The following C5orf34 variants were observed in gnomAD, a reference collection of about 807,000 sequenced individuals.
The protein encoded by C5orf34 is uncharacterized protein C5orf34.
Under a neutral mutation model 78.4 loss-of-function variants are expected in C5orf34, and 73 were observed. The ratio of observed to expected loss-of-function variants is 0.93; its 90% CI spans 0.77 to 1.13. The LOEUF is 1.13. Ranked by LOEUF, C5orf34 falls within the 50% of genes most tolerant of loss-of-function variation. The probability of loss-of-function intolerance (pLI) is 0.00; values close to 1 mark genes in which losing one functional copy is unlikely to be tolerated. For synonymous variants in C5orf34, 251 were observed against 246.6 expected (o/e 1.02, Z -0.17); for missense variants, 730 against 732.7 (o/e 1.00, Z 0.04).
In C5orf34 at chr5:43,502,500, G is replaced by T; in HGVS notation, c.1029-5C>A. The T allele has an allele frequency of 6.6e-7, 1 of 1,517,588 alleles. No homozygotes were observed. The highest frequency in any genetic ancestry group is 9.0e-7 in the Non-Finnish European group (1 of 1,115,450). The allele number at this position is 1,517,588 out of a possible 1,614,324, so 94.0% of individuals were successfully genotyped here. Reference sequence around the variant, plus strand: ...TTCATATTTTGATGGGTAAGTCTAAGAAATAGAAATAACCATTAAAAATTT... The same window carrying T: ...TTCATATTTTGATGGGTAAGTCTAATAAATAGAAATAACCATTAAAAATTT... On this transcript the variant is annotated splice_polypyrimidine_tract_variant and splice_region_variant and intron_variant, in intron 5 of 12. Transcript: ENST00000306862.
intron 6 of C5orf34, chr5:43,495,002 G>A: frequency 8.0e-7 from 1 of 1,247,084 alleles, no homozygotes; most frequent in Non-Finnish European, 1.2e-6. Context: ...ATGGCCAATT[G>A]AAACAAACAG....
intron 6 of C5orf34, among the ~76,000 whole-genome samples, chr5:43,498,493 A>T (rs912850202): frequency 5.9e-5 from 9 of 152,232 alleles, no homozygotes; most frequent in Non-Finnish European, 8.8e-5. Flanking sequence ...AAAAGCCATC[A>T]TCAAAAAAAT....
rs755061160 is a variant in C5orf34, at chr5:43,505,757, T to C, written c.923A>G (p.His308Arg). ...GCCATTACTGCATTACCTGTGTAGG[T>C]GTGGGACTGGACAGCTGAGTGACAG... ...RALSLSCPVP[H>R]LHRWNFCDSL... The change falls in exon 4 of 13, where the codon CAC (histidine) becomes CGC (arginine). Residue 308 changes from histidine to arginine, a missense_variant. Physicochemically the swap from His to Arg is conservative, Grantham distance 29. Transcript: ENST00000306862. 5.7e-6 allele frequency: 9 copies of C among 1,574,116 alleles called. No individual in the cohort carries two copies. Among genetic ancestry groups the C allele is most frequent in the Non-Finnish European group, 7.8e-6 (9 of 1,159,572 alleles).
Position 43,503,677 on chromosome 5 carries a change from C to A in C5orf34, c.1016G>T (p.Gly339Val), listed in dbSNP as rs772253133. 6.2e-6 allele frequency: 10 copies of A among 1,610,296 alleles called. No homozygotes were observed. Among genetic ancestry groups the A allele is most frequent in the African/African-American group, 2.7e-5 (2 of 74,824 alleles). The part of the protein sequence containing the change: ...PELVKMVWYK[G>V]VTYRLTHQNM... ...ATAGGTGCCTTACCTATATGTAACA[C>A]CTTTGTACCAAACCATTTTCACTAG... Residue 339 changes from glycine to valine, a missense_variant, in exon 5 of 13, where the codon GGT becomes GTT. Transcript: ENST00000306862.
chr5:43,506,222 T>C lies in C5orf34; in HGVS notation c.458A>G (p.Gln153Arg), dbSNP rs1745978834. Residue 153 changes from glutamine to arginine, a missense_variant, in exon 4 of 13, where the codon CAG (glutamine) becomes CGG (arginine). Transcript: ENST00000306862. The stretch of plus-strand genomic sequence containing the variant: ...CAACACTGCAGATGAGTCTGACTTC[T>C]GGCTAACTTTACACAAAAAATGTAC... ...FTVHFLCKVS[Q>R]KSDSSAVLSE... 6.2e-7 allele frequency: 1 copy of C among 1,614,224 alleles called. No homozygotes were observed. The highest frequency in any genetic ancestry group is 8.5e-7 in the Non-Finnish European group (1 of 1,180,036).
intron 6 of C5orf34, among the ~76,000 whole-genome samples, chr5:43,499,330 A>G (rs983924397): frequency 2.0e-5 from 3 of 152,158 alleles, no homozygotes; most frequent in African/African-American, 7.2e-5. Context: ...TATAGATCCT[A>G]GCTTAGCCAA....
chr5:43,498,508 A>T (rs1176791318), intron 6 of C5orf34, among the ~76,000 whole-genome samples: 1 of 152,174 alleles, frequency 6.6e-6, no homozygotes, highest in African/African-American at 2.4e-5. Context: ...AAAAATTTAG[A>T]TTTGATAAAA....
chr5:43,487,787 C>T (rs1276585110), intron 12 of C5orf34, 122 bp downstream of exon 12: 1 of 704,434 alleles, frequency 1.4e-6, no homozygotes, highest in African/African-American at 1.9e-5. Flanking sequence ...TATTTGCTGA[C>T]TCAATAAAGG....
At chr5:43,510,069 C>G (rs561914204) in intron 1 of C5orf34, among the ~76,000 whole-genome samples, 1 of 152,178 alleles carries the variant, frequency 6.6e-6, no homozygotes, top group South Asian at 2.1e-4. Context: ...AATTTAATTT[C>G]TATAAATTAT....
At position 43,487,018 on chromosome 5, in the gene C5orf34, G is replaced by A. The variant is rs760647777; in HGVS notation, c.1814C>T (p.Thr605Ile). Residue 605 changes from threonine to isoleucine, a missense_variant, in exon 13 of 13, where the codon ACC becomes ATC. Physicochemically the swap from Thr to Ile is moderately conservative, Grantham distance 89 (BLOSUM62 -1). Transcript: ENST00000306862. ...ATTTTCATTAACTTCTCCTAGCAAG[G>A]TTTCTGAAGATCCTGGTTTATAATG... ...FDHYKPGSSE[T>I]LLGEVNENRV... 4 of 1,589,072 alleles carry A rather than the reference G, an allele frequency of 2.5e-6. No individual in the cohort carries two copies. Among genetic ancestry groups the A allele is most frequent in the East Asian group, 4.6e-5 (2 of 43,300 alleles).
chr5:43,505,309 A>T (rs1442851139), intron 4 of C5orf34, among the ~76,000 whole-genome samples: 2 of 152,148 alleles, frequency 1.3e-5, no homozygotes, highest in Admixed American at 1.3e-4. Flanking sequence ...GTATGGACAA[A>T]AGAACTGTGT....
At chr5:43,499,304 A>C (rs528123050) in intron 6 of C5orf34, among the ~76,000 whole-genome samples, 4 of 151,996 alleles carry the variant, frequency 2.6e-5, no homozygotes, top group African/African-American at 9.7e-5. Flanking sequence ...CTTTTGTACA[A>C]CTCCTCCTTT....
chr5:43,494,041 G>T (rs1745397110), intron 7 of C5orf34, among the ~76,000 whole-genome samples: 1 of 152,090 alleles, frequency 6.6e-6, no homozygotes, highest in Non-Finnish European at 1.5e-5. Flanking sequence ...AGAAACAACA[G>T]TCCACTTGCA....
intron 6 of C5orf34, among the ~76,000 whole-genome samples, chr5:43,502,163 G>T (rs182488483): frequency 6.6e-6 from 1 of 152,210 alleles, no homozygotes; most frequent in East Asian, 1.9e-4. Context: ...AACTGCTTAG[G>T]CAAATGGAGA....
At chr5:43,492,343 A>G in intron 9 of C5orf34, 34 bp from the exon 10 acceptor site, 2 of 1,385,486 alleles carry the variant, frequency 1.4e-6, no homozygotes, top group South Asian at 2.4e-5. Context: ...TTATCATTTT[A>G]GAACTGAAAA....
At chr5:43,496,451 C>T in intron 6 of C5orf34, 2 of 1,575,154 alleles carry the variant, frequency 1.3e-6, no homozygotes, top group Non-Finnish European at 1.7e-6. Flanking sequence ...TTTTCCTTTC[C>T]CATTTTGGCT....
chr5:43,507,539 T>C (rs1746038097), intron 3 of C5orf34, among the ~76,000 whole-genome samples: 2 of 152,156 alleles, frequency 1.3e-5, no homozygotes, highest in Admixed American at 1.3e-4. Flanking sequence ...AAAGACACAA[T>C]GGAAAATTAC....
At chr5:43,508,821 C>T (rs765536427) in intron 2 of C5orf34, among the ~76,000 whole-genome samples, 155 bp from the exon 3 acceptor site, 4 of 152,174 alleles carry the variant, frequency 2.6e-5, no homozygotes, top group East Asian at 1.9e-4. Flanking sequence ...TGGCCAGGCA[C>T]GGTGGTTCAC....
intron 12 of C5orf34, 97 bp from the exon 13 acceptor site, chr5:43,487,208 G>T: frequency 1.7e-6 from 1 of 571,682 alleles, no homozygotes; most frequent in Non-Finnish European, 2.9e-6. Context: ...ATATTTCTCA[G>T]CTGGAAGACC....
Sources: allele counts gnomAD v4.1 joint callset (sites outside exome capture counted in the v4.1 genomes callset), GRCh38; gene constraint gnomAD v4.1.1; transcripts MANE v1.5; gene names NCBI Gene and HGNC (gene_info 2026-07-23, HGNC 2026-07-21).